The following SLC49A4 variants were observed in gnomAD, a reference collection of about 807,000 sequenced individuals.
SLC49A4 encodes solute carrier family 49 member 4.
In SLC49A4, 36 loss-of-function variants were observed where a neutral mutation model predicts 50.6. The observed-to-expected ratio is 0.71, with a 90% CI of 0.55 to 0.94. SLC49A4 has a LOEUF of 0.94. Ranked by LOEUF, SLC49A4 falls within the 40% of genes least tolerant of loss-of-function variation. The pLI, the probability that SLC49A4 is intolerant of heterozygous loss-of-function variation, is 0.00. For missense variants in SLC49A4, 503 were observed against 605.7 expected (o/e 0.83, Z 1.78); for synonymous variants, 248 against 241.2 (o/e 1.03, Z -0.26).
chr3:122,860,021 C>A, intron 6 of SLC49A4, 54 bp from the exon 7 acceptor site: 1 of 1,452,276 alleles, frequency 6.9e-7, no homozygotes, highest in Non-Finnish European at 9.2e-7. Flanking sequence ...GTGTCATTTG[C>A]TTAAATAGTA....
intron 1 of SLC49A4, among the ~76,000 whole-genome samples, chr3:122,800,399 G>A (rs1207332471): frequency 6.6e-6 from 1 of 152,254 alleles, no homozygotes; most frequent in African/African-American, 2.4e-5. Context: ...ATCAAAGACA[G>A]TGAGTGTAGA....
At chr3:122,796,772 C>T (rs928770500) in intron 1 of SLC49A4, among the ~76,000 whole-genome samples, 3 of 152,046 alleles carry the variant, frequency 2.0e-5, no homozygotes, top group African/African-American at 4.8e-5. Flanking sequence ...AATCCCAGCA[C>T]GTTGGGAGGC....
chr3:122,847,443 G>A (rs1054779289), intron 5 of SLC49A4, among the ~76,000 whole-genome samples: 1 of 151,558 alleles, frequency 6.6e-6, no homozygotes, highest in Non-Finnish European at 1.5e-5. Flanking sequence ...TGACTCCCGG[G>A]TTCACGCCAT....
At chr3:122,840,328 C>T (rs768718900) in intron 4 of SLC49A4, among the ~76,000 whole-genome samples, 4 of 152,212 alleles carry the variant, frequency 2.6e-5, no homozygotes, top group East Asian at 1.9e-4. Flanking sequence ...CAGACTTCAC[C>T]GCTATCCAAT....
intron 4 of SLC49A4, among the ~76,000 whole-genome samples, chr3:122,837,655 G>A (rs1936708839): frequency 6.6e-6 from 1 of 152,118 alleles, no homozygotes; most frequent in Non-Finnish European, 1.5e-5. Flanking sequence ...GCATGGGCAA[G>A]GACTTCATGT....
At chr3:122,813,845 A>G (rs1320414573) in intron 2 of SLC49A4, among the ~76,000 whole-genome samples, 1 of 152,230 alleles carries the variant, frequency 6.6e-6, no homozygotes, top group South Asian at 2.1e-4. Context: ...AATTCATTAC[A>G]TATTAGTTTA....
chr3:122,804,011 G>A (rs1333074631), intron 1 of SLC49A4, among the ~76,000 whole-genome samples: 1 of 152,144 alleles, frequency 6.6e-6, no homozygotes, highest in Non-Finnish European at 1.5e-5. Context: ...CTGTTAGGCA[G>A]TTCCTACATT....
chr3:122,822,333 T>C (rs1936465505), intron 2 of SLC49A4, among the ~76,000 whole-genome samples: 1 of 152,202 alleles, frequency 6.6e-6, no homozygotes, highest in Admixed American at 6.5e-5. Flanking sequence ...ATTTTATCTT[T>C]TAATGTGTGA....
chr3:122,847,868 A>G (rs979667636), intron 5 of SLC49A4, among the ~76,000 whole-genome samples: 3 of 152,238 alleles, frequency 2.0e-5, no homozygotes, highest in Non-Finnish European at 2.9e-5. Flanking sequence ...CTCCAAGTTC[A>G]TAAATATGTT....
intron 7 of SLC49A4, among the ~76,000 whole-genome samples, chr3:122,866,720 C>T (rs560131484): frequency 2.0e-5 from 3 of 152,094 alleles, no homozygotes; most frequent in South Asian, 2.1e-4. Context: ...CCCCTGCCCC[C>T]GACCCCATTC....
At position 122,795,154 on chromosome 3, in the gene SLC49A4, G is replaced by T. The variant is rs778952876; in HGVS notation, c.-39G>T. On this transcript the variant is annotated 5_prime_UTR_variant, in exon 1 of 9. Coordinates refer to ENST00000261038, the MANE Select transcript of SLC49A4 (RefSeq NM_032839.3). ...CGCTGGGCTAGTCGGCGGTGACCCG[G>T]ACTGCGCCCGGCAGTGGCTTCGCGG... 3.1e-6 allele frequency: 4 copies of T among 1,308,290 alleles called. No homozygotes were observed. In the South Asian group the frequency reaches 7.5e-5, roughly 25 times the overall value. 81.0% of individuals were successfully genotyped at this position (1,308,290 alleles called of 1,614,324 possible). A position where few individuals can be genotyped will look rare whatever the true frequency, so the allele number is the denominator to read the frequency against.
intron 4 of SLC49A4, among the ~76,000 whole-genome samples, chr3:122,838,535 A>G (rs1276488457): frequency 7.5e-6 from 1 of 133,788 alleles, no homozygotes; most frequent in Non-Finnish European, 1.6e-5. Context: ...GAAGGGGAAC[A>G]TCACACACCA....
intron 8 of SLC49A4, among the ~76,000 whole-genome samples, chr3:122,873,490 A>G (rs1156259974): frequency 1.3e-5 from 2 of 152,190 alleles, no homozygotes; most frequent in Non-Finnish European, 2.9e-5. Context: ...AGAAACTTTC[A>G]AAGCCAGTGT....
In SLC49A4 at chr3:122,806,837, A is replaced by G. The variant is rs1306837522; in HGVS notation, c.344-20A>G. On this transcript the variant is annotated intron_variant, in intron 1 of 8. Transcript: ENST00000261038. ...TTAGGAGAAAATCAAGATAATTTCA[A>G]TGTCTTTGTTTCATTTTAGGTCTCC... is the stretch of plus-strand genomic sequence containing the variant. 1.4e-6 allele frequency: 2 copies of G among 1,459,606 alleles called. No individual in the cohort carries two copies. Among genetic ancestry groups the G allele is most frequent in the Non-Finnish European group, 1.9e-6 (2 of 1,042,354 alleles). 90.4% of individuals were successfully genotyped at this position (1,459,606 alleles called of 1,614,324 possible).
chr3:122,857,388 C>G (rs184536374), intron 6 of SLC49A4, among the ~76,000 whole-genome samples: 6 of 151,170 alleles, frequency 4.0e-5, no homozygotes, highest in African/African-American at 1.5e-4. Context: ...TATTCATTCA[C>G]TTCCCAAATC....
chr3:122,851,903 C>T (rs1308614699), intron 5 of SLC49A4, among the ~76,000 whole-genome samples: 1 of 151,878 alleles, frequency 6.6e-6, no homozygotes, highest in Non-Finnish European at 1.5e-5. Context: ...TCTTTTCTTC[C>T]AACTCACTAT....
chr3:122,811,162 C>T lies in SLC49A4; in HGVS notation c.437+4212C>T, dbSNP rs758854409. The stretch of plus-strand genomic sequence containing the variant: ...GAGTTAACTGGGAAATATTTGCAAC[C>T]GTAAGACAAATGAGTAATTCCTTAG... On this transcript the variant is annotated intron_variant, in intron 2 of 8. Transcript: ENST00000261038. 7.2e-5 allele frequency among the ~76,000 whole-genome samples: 11 copies of T among 151,880 alleles called. No individual in the cohort carries two copies. The East Asian group carries it at 9.6e-4, about 13-fold the overall frequency.
intron 4 of SLC49A4, among the ~76,000 whole-genome samples, chr3:122,845,562 C>G (rs1936835256): frequency 1.3e-5 from 2 of 150,008 alleles, no homozygotes; most frequent in Non-Finnish European, 2.9e-5. Flanking sequence ...ACACTTCAAC[C>G]AGCAGTATAT....
At chr3:122,827,176 T>C (rs1576297962) in intron 3 of SLC49A4, 111 bp downstream of exon 3, 1 of 1,190,350 alleles carries the variant, frequency 8.4e-7, no homozygotes, top group South Asian at 1.5e-5. Flanking sequence ...AGAGGACTAA[T>C]ATGTAAATTT....
Sources: gnomAD v4.1 joint callset for allele counts (sites outside exome capture counted in the v4.1 genomes callset) on GRCh38, gnomAD v4.1.1 for gene constraint, MANE v1.5 for transcripts, NCBI Gene and HGNC (gene_info 2026-07-23, HGNC 2026-07-21) for gene names.